Variants in TRAF4 observed in about 807,000 individuals in gnomAD.
TRAF4 encodes the protein TNF receptor-associated factor 4.
Under a neutral mutation model 47.3 loss-of-function variants are expected in TRAF4, and 9 were observed. The observed-to-expected ratio is 0.19, with a 90% CI of 0.11 to 0.33. The LOEUF (loss-of-function observed/expected upper bound fraction) is 0.33, where lower values mean the gene tolerates loss of function less well. Ranked by LOEUF, TRAF4 falls within the 10% of genes least tolerant of loss-of-function variation. TRAF4 has a pLI of 1.00. For synonymous variants in TRAF4, 236 were observed against 236.9 expected (o/e 1.00, Z 0.04); for missense variants, 448 against 620.3 (o/e 0.72, Z 2.95).
At chr17:28,744,399 G>T in intron 1 of TRAF4, 144 bp downstream of exon 1, 1 of 993,072 alleles carries the variant, frequency 1.0e-6, no homozygotes, top group Non-Finnish European at 1.4e-6. Flanking sequence ...GTCACGGGGA[G>T]GGATGACGTC....
At chr17:28,745,619 C>G (rs913222268) in intron 1 of TRAF4, 1 of 152,356 alleles carries the variant, frequency 6.6e-6, no homozygotes, top group Non-Finnish European at 1.5e-5. Context: ...CCCCTCCCCC[C>G]ATCCTGTCTT....
chr17:28,746,751 A>C (rs1246451981), intron 1 of TRAF4: 2 of 155,146 alleles, frequency 1.3e-5, no homozygotes, highest in African/African-American at 4.8e-5. Context: ...AGGTGGCCGC[A>C]AGCTGACCTT....
At chr17:28,747,384 C>T (rs760449706) in intron 2 of TRAF4, 120 bp downstream of exon 2, 7 of 1,245,358 alleles carry the variant, frequency 5.6e-6, no homozygotes, top group Non-Finnish European at 7.7e-6. Flanking sequence ...TGGTGCGCCT[C>T]CACAAAGGTA....
At position 28,749,589 on chromosome 17, in the gene TRAF4, G is replaced by T; in HGVS notation, c.*12G>T. Reference sequence around the variant, plus strand: ...AGATCCTCAGCTGAGTGCAGGTGGGGTTCGAGGGGAAAGGACGATGGGGCA... The same window carrying T: ...AGATCCTCAGCTGAGTGCAGGTGGGTTTCGAGGGGAAAGGACGATGGGGCA... On this transcript the variant is annotated 3_prime_UTR_variant, in exon 7 of 7. Transcript: ENST00000262395. 6.2e-7 allele frequency: 1 copy of T among 1,604,726 alleles called. No individual in the cohort carries two copies. Among genetic ancestry groups the T allele is most frequent in the Non-Finnish European group, 8.5e-7 (1 of 1,174,722 alleles).
chr17:28,749,578 G>A lies in TRAF4; in HGVS notation c.*1G>A. ...ACTGCCCCGGAAGATCCTCAGCTGA[G>A]TGCAGGTGGGGTTCGAGGGGAAAGG... On this transcript the variant is annotated 3_prime_UTR_variant, in exon 7 of 7. Transcript: ENST00000262395. 1 of 1,608,712 alleles carries A rather than the reference G, an allele frequency of 6.2e-7. No individual in the cohort carries two copies. Among genetic ancestry groups the A allele is most frequent in the Non-Finnish European group, 8.5e-7 (1 of 1,176,806 alleles).
chr17:28,748,466 G>A, intron 5 of TRAF4, 43 bp downstream of exon 5: 1 of 1,607,600 alleles, frequency 6.2e-7, no homozygotes, highest in Non-Finnish European at 8.5e-7. Flanking sequence ...TAGGTGACAG[G>A]TAGTCAGGAT....
rs756133088 is a variant in TRAF4, at chr17:28,744,193, G to T, written c.81G>T (p.Glu27Asp). 3 of 1,597,034 alleles carry T rather than the reference G, an allele frequency of 1.9e-6. No homozygotes were observed. The highest frequency in any genetic ancestry group is 4.5e-5 in the East Asian group (2 of 44,618). Residue 27 changes from glutamate (E) to aspartate (D), a missense_variant, in exon 1 of 7, where the codon GAG becomes GAT. Glu to Asp is a conservative substitution (Grantham distance 45, BLOSUM62 2). Coordinates refer to ENST00000262395, the MANE Select transcript of TRAF4 (RefSeq NM_004295.4). Reference protein sequence around the residue: ...LCPLCGKPMREPVQVSTCGHR... With the variant: ...LCPLCGKPMRDPVQVSTCGHR... ...CACTGTGCGGGAAGCCCATGCGCGA[G>T]CCTGTGCAGGTTTCCACCTGCGGCC...
chr17:28,749,652 G>T lies in TRAF4; in HGVS notation c.*75G>T, dbSNP rs1314982675. The T allele has an allele frequency of 1.3e-5, 21 of 1,577,878 alleles. No individual in the cohort carries two copies. Among genetic ancestry groups the T allele is most frequent in the Non-Finnish European group, 1.2e-5 (14 of 1,161,560 alleles). On this transcript the variant is annotated 3_prime_UTR_variant, in exon 7 of 7. Coordinates refer to ENST00000262395, the MANE Select transcript of TRAF4 (RefSeq NM_004295.4). ...GGCACTGGCTGAACTTGGAGAGGGGGCCGGACCCCCGTCAGCTGCTTCTGC... is the reference window on the plus strand; with the variant it reads ...GGCACTGGCTGAACTTGGAGAGGGGTCCGGACCCCCGTCAGCTGCTTCTGC...
chr17:28,746,389 G>A (rs916763534), intron 1 of TRAF4, among the ~76,000 whole-genome samples: 8 of 152,220 alleles, frequency 5.3e-5, no homozygotes, highest in Non-Finnish European at 1.0e-4. Context: ...GGTAGGGTTT[G>A]GTGCAGGAGA....
chr17:28,747,985 T>G, intron 3 of TRAF4, 32 bp from the exon 4 acceptor site: 3 of 1,614,144 alleles, frequency 1.9e-6, no homozygotes, highest in South Asian at 1.1e-5. Context: ...CACCTCTCCC[T>G]TGGCAGGCAC....
intron 2 of TRAF4, 52 bp from the exon 3 acceptor site, chr17:28,747,791 G>A: frequency 6.4e-7 from 1 of 1,563,594 alleles, no homozygotes; most frequent in Non-Finnish European, 8.7e-7. Flanking sequence ...GGTGGGAACT[G>A]GGCACTGCAG....
chr17:28,745,487 A>C (rs1194528484), intron 1 of TRAF4: 4 of 148,898 alleles, frequency 2.7e-5, no homozygotes, highest in Non-Finnish European at 4.5e-5. Context: ...ACCCACCCTG[A>C]CTGCCTCGGG....
Position 28,747,275 on chromosome 17 carries a change from A to G in TRAF4, c.195+11A>G, listed in dbSNP as rs370812486. The G allele has an allele frequency of 2.5e-6, 4 of 1,612,440 alleles. No individual in the cohort carries two copies. Among genetic ancestry groups the G allele is most frequent in the African/African-American group, 1.3e-5 (1 of 74,850 alleles). ...CTGGACTATGCCAAGGTGAGTCCAC[A>G]CTGCCAGGAAGAAGCCCAAGCACAG... On this transcript the variant is annotated intron_variant, in intron 2 of 6. Transcript: ENST00000262395.
intron 2 of TRAF4, 86 bp downstream of exon 2, chr17:28,747,350 C>T: frequency 6.7e-7 from 1 of 1,496,534 alleles, no homozygotes; most frequent in Non-Finnish European, 9.0e-7. Flanking sequence ...GGCTCAGGGC[C>T]AGTGTCAACC....
rs2034572337 is a variant in TRAF4, at chr17:28,749,666, A to C, written c.*89A>C. On this transcript the variant is annotated 3_prime_UTR_variant, in exon 7 of 7. Coordinates refer to ENST00000262395, the MANE Select transcript of TRAF4 (RefSeq NM_004295.4). ...TTGGAGAGGGGGCCGGACCCCCGTCAGCTGCTTCTGCTGCCTAGGTTCTGT... is the reference window on the plus strand; with the variant it reads ...TTGGAGAGGGGGCCGGACCCCCGTCCGCTGCTTCTGCTGCCTAGGTTCTGT... 1 of 1,572,542 alleles carries C rather than the reference A, an allele frequency of 6.4e-7. No homozygotes were observed. Among genetic ancestry groups the C allele is most frequent in the East Asian group, 2.3e-5 (1 of 44,378 alleles).
chr17:28,747,829 A>T lies in TRAF4; in HGVS notation c.196-14A>T, dbSNP rs1261623393. ...AGCTCTGACCCTGGCCAGTTCCCCC[A>T]TCCCTACCCCCAGATCTACCCAGAC... On this transcript the variant is annotated splice_polypyrimidine_tract_variant and intron_variant, in intron 2 of 6. Transcript: ENST00000262395. 6.2e-7 allele frequency: 1 copy of T among 1,609,016 alleles called. No homozygotes were observed. The highest frequency in any genetic ancestry group is 2.2e-5 in the East Asian group (1 of 44,654).
rs1488708004 is a variant in TRAF4, at chr17:28,749,830, T to C, written c.*253T>C. The C allele has an allele frequency of 5.1e-5, 37 of 720,214 alleles. 1 individual carries two copies. In the East Asian group the frequency reaches 9.9e-4, roughly 19 times the overall value. The allele number at this position is 720,214 out of a possible 1,614,324, so 44.6% of individuals were successfully genotyped here. A position where few individuals can be genotyped will look rare whatever the true frequency, so the allele number is the denominator to read the frequency against. On this transcript the variant is annotated 3_prime_UTR_variant, in exon 7 of 7. Coordinates refer to ENST00000262395, the MANE Select transcript of TRAF4 (RefSeq NM_004295.4). ...CCCAGGGCCTGTCTCCCTTCTTGGG[T>C]AGGGCAGACATGCCTTGGTGCCGGT...
At position 28,749,710 on chromosome 17, in the gene TRAF4, CCAG is replaced by C. The variant is rs951928070; in HGVS notation, c.*135_*137del. 1.4e-6 allele frequency: 2 copies of C among 1,431,426 alleles called. No homozygotes were observed. Among genetic ancestry groups the C allele is most frequent in the African/African-American group, 2.8e-5 (2 of 70,782 alleles). The allele number at this position is 1,431,426 out of a possible 1,614,324, so 88.7% of individuals were successfully genotyped here. A position where few individuals can be genotyped will look rare whatever the true frequency, so the allele number is the denominator to read the frequency against. On this transcript the variant is annotated 3_prime_UTR_variant, in exon 7 of 7. Coordinates refer to ENST00000262395, the MANE Select transcript of TRAF4 (RefSeq NM_004295.4). ...GTTCTGTTACCCCATCCTCCCTCCC[CCAG>C]CCACCACCCTCAGGTGCCTCCAATT... is the stretch of plus-strand genomic sequence containing the variant.
At chr17:28,747,015 C>A in intron 1 of TRAF4, 198 bp from the exon 2 acceptor site, 1 of 496,338 alleles carries the variant, frequency 2.0e-6, no homozygotes. Flanking sequence ...CCAGACCCCC[C>A]TTCCCAGGAC....
Sources: allele counts gnomAD v4.1 joint callset (sites outside exome capture counted in the v4.1 genomes callset), GRCh38; gene constraint gnomAD v4.1.1; transcripts MANE v1.5; gene names NCBI Gene and HGNC (gene_info 2026-07-23, HGNC 2026-07-21).